ARHGEF10L: variants seen among roughly 807,000 people sequenced by gnomAD.
ARHGEF10L encodes the protein Rho guanine nucleotide exchange factor 10 like.
In ARHGEF10L, 69 loss-of-function variants were observed where a neutral mutation model predicts 141.2. That is an observed-to-expected ratio of 0.49 (90% CI 0.40 to 0.60). The LOEUF (loss-of-function observed/expected upper bound fraction) is 0.60, where lower values mean the gene tolerates loss of function less well. Among genes scored for constraint, ARHGEF10L ranks in the 20% least tolerant of loss-of-function variants. The pLI, the probability that ARHGEF10L is intolerant of heterozygous loss-of-function variation, is 0.00. For missense variants in ARHGEF10L, 1,482 were observed against 1,734.3 expected (o/e 0.85, Z 2.58); for synonymous variants, 711 against 718.5 (o/e 0.99, Z 0.17).
At chr1:17,659,277 G>C (rs539105011) in intron 25 of ARHGEF10L, among the ~76,000 whole-genome samples, 2 of 152,184 alleles carry the variant, frequency 1.3e-5, no homozygotes, top group Non-Finnish European at 2.9e-5. Context: ...AGGCCCCTGA[G>C]AAGGGGCTTG....
intron 26 of ARHGEF10L, among the ~76,000 whole-genome samples, chr1:17,664,991 G>A (rs1044640379): frequency 5.3e-5 from 8 of 152,206 alleles, no homozygotes; most frequent in Non-Finnish European, 8.8e-5. Flanking sequence ...CCACATGGAG[G>A]GAGAGGCTGC....
chr1:17,696,688 G>A (rs968509808), intron 28 of ARHGEF10L, among the ~76,000 whole-genome samples, 160 bp from the exon 29 acceptor site: 1 of 152,198 alleles, frequency 6.6e-6, no homozygotes, highest in African/African-American at 2.4e-5. Flanking sequence ...GCAGGAGCAC[G>A]GGATAGCCAG....
the ARHGEF10L span, among the ~76,000 whole-genome samples, chr1:17,531,453 A>G: frequency 5.9e-5 from 9 of 152,194 alleles, no homozygotes; most frequent in Non-Finnish European, 1.3e-4. Context: ...CGAAGGTCAC[A>G]TGGTCTGGGG....
chr1:17,685,397 C>T (rs2064487393), intron 26 of ARHGEF10L, among the ~76,000 whole-genome samples: 1 of 152,202 alleles, frequency 6.6e-6, no homozygotes, highest in Non-Finnish European at 1.5e-5. Flanking sequence ...ATTCCTGCCT[C>T]CGGGCCTTTG....
At position 17,540,326 on chromosome 1, in the gene ARHGEF10L, G is replaced by A. The variant is rs149340166; in HGVS notation, c.-44+376G>A. Among the ~76,000 whole-genome samples the A allele has an allele frequency of 2.8e-3, 422 of 151,820 alleles. 3 individuals carry two copies. Among genetic ancestry groups the A allele is most frequent in the African/African-American group, 9.6e-3 (399 of 41,360 alleles). ...CCACTTCTTCCTGCGCTGACCTTGG[G>A]GGTCCCTGGGATCGGGTGAAGTCAG... On this transcript the variant is annotated intron_variant, in intron 1 of 28. Transcript: ENST00000361221.
chr1:17,623,850 C>T lies in ARHGEF10L; in HGVS notation c.1201-537C>T, dbSNP rs959917366. Among the ~76,000 whole-genome samples the T allele has an allele frequency of 1.3e-5, 2 of 152,166 alleles. No homozygotes were observed. The highest frequency in any genetic ancestry group is 4.8e-5 in the African/African-American group (2 of 41,444). ...ACTTTTTTTTGAAAGCCACAGCGCTCGATAGAGTCACTGAATAGGTCTGAT... is the reference window on the plus strand; with the variant it reads ...ACTTTTTTTTGAAAGCCACAGCGCTTGATAGAGTCACTGAATAGGTCTGAT... On this transcript the variant is annotated intron_variant, in intron 12 of 28. Coordinates refer to ENST00000361221, the MANE Select transcript of ARHGEF10L (RefSeq NM_018125.4). This position sits in a 1 kb window ranked among gnomAD's most constrained non-coding sequence, Gnocchi z 4.7.
intron 13 of ARHGEF10L, among the ~76,000 whole-genome samples, 195 bp downstream of exon 13, chr1:17,624,698 G>T (rs2060286381): frequency 6.6e-6 from 1 of 152,210 alleles, no homozygotes; most frequent in African/African-American, 2.4e-5. Context: ...GCGTAGCCAA[G>T]TGTCTGTAAG....
At chr1:17,677,029 G>T (rs1046183085) in intron 26 of ARHGEF10L, among the ~76,000 whole-genome samples, 3 of 152,002 alleles carry the variant, frequency 2.0e-5, no homozygotes, top group African/African-American at 7.3e-5. Flanking sequence ...GCCGTGCTGT[G>T]TCCTCAGGGC....
rs188178011 is a variant in ARHGEF10L, at chr1:17,607,466, C to A, written c.434-336C>A. 4.9e-4 allele frequency among the ~76,000 whole-genome samples: 75 copies of A among 152,298 alleles called. No individual in the cohort carries two copies. In the East Asian group the frequency reaches 0.01, roughly 21 times the overall value. The stretch of plus-strand genomic sequence containing the variant: ...CTCCAGCCTGGGCGAGACAATGAGA[C>A]CCTGTCTCTAAAACAAAATTGCCAA... On this transcript the variant is annotated intron_variant, in intron 6 of 28. Transcript: ENST00000361221. The surrounding 1 kb of genome is among the most constrained non-coding windows in gnomAD (Gnocchi z 4.5).
At position 17,634,982 on chromosome 1, in the gene ARHGEF10L, C is replaced by T. The variant is rs758570105; in HGVS notation, c.1893C>T (p.Gly631=). ...DKDNVLIQHS[G]AKKASASGQA... ...ACAATGTGCTCATCCAGCACTCAGG[C>T]GCCAAGAAGGCCTCTGCCTCAGGGC... is the stretch of plus-strand genomic sequence containing the variant. Residue 631 remains glycine, a synonymous_variant, in exon 18 of 29, where the codon GGC becomes GGT. Coordinates refer to ENST00000361221, the MANE Select transcript of ARHGEF10L (RefSeq NM_018125.4). The T allele has an allele frequency of 4.8e-5, 78 of 1,613,964 alleles. No homozygotes were observed. Among genetic ancestry groups the T allele is most frequent in the African/African-American group, 9.3e-5 (7 of 74,910 alleles).
intron 1 of ARHGEF10L, among the ~76,000 whole-genome samples, chr1:17,557,989 T>C (rs2077402466): frequency 6.6e-6 from 1 of 152,164 alleles, no homozygotes; most frequent in African/African-American, 2.4e-5. Flanking sequence ...TCTCCTGTCA[T>C]CCATCGACTC....
chr1:17,546,939 T>A (rs1477796644), intron 1 of ARHGEF10L, among the ~76,000 whole-genome samples: 3 of 152,220 alleles, frequency 2.0e-5, no homozygotes, highest in Non-Finnish European at 2.9e-5. Flanking sequence ...CATCATTATC[T>A]CTGTTTTGCC....
At chr1:17,646,171 T>G (rs995575127) in intron 21 of ARHGEF10L, among the ~76,000 whole-genome samples, 3 of 152,186 alleles carry the variant, frequency 2.0e-5, no homozygotes, top group Non-Finnish European at 2.9e-5. Flanking sequence ...GGGAATGTCT[T>G]TCACTTCTCA....
At chr1:17,530,384 T>C in the ARHGEF10L span, among the ~76,000 whole-genome samples, 1 of 152,148 alleles carries the variant, frequency 6.6e-6, no homozygotes, top group Non-Finnish European at 1.5e-5. Flanking sequence ...CTCAGTTTCC[T>C]CATCTGCAGA....
rs950316649 is a variant in ARHGEF10L, at chr1:17,683,385, C to T, written c.3010-4188C>T. On this transcript the variant is annotated intron_variant, in intron 26 of 28. Coordinates refer to ENST00000361221, the MANE Select transcript of ARHGEF10L (RefSeq NM_018125.4). ...CTCTCACCGGGGTGCTCACTGCCCC[C>T]TGCTCTCACCGGGGTGCTCACTGCC... Among the ~76,000 whole-genome samples the T allele has an allele frequency of 1.7e-4, 24 of 144,902 alleles. 1 individual carries two copies. Among genetic ancestry groups the T allele is most frequent in the African/African-American group, 6.2e-4 (24 of 38,958 alleles).
At chr1:17,635,171 A>ACCCTGGACCTT (rs2060927102) in intron 18 of ARHGEF10L, among the ~76,000 whole-genome samples, 155 bp downstream of exon 18, 1 of 151,986 alleles carries the variant, frequency 6.6e-6, no homozygotes, top group Admixed American at 6.6e-5. Flanking sequence ...TTGCAGCCCC[A>ACCCTGGACCTT]CCCTGGACCT....
At position 17,641,269 on chromosome 1, in the gene ARHGEF10L, A is replaced by G. The variant is rs543950334; in HGVS notation, c.2272+967A>G. Reference sequence around the variant, plus strand: ...TTGCCGATGCCAGCCAATAGCAGGAACGTTTTTTTATTTTTGTTTCTGGTA... The same window carrying G: ...TTGCCGATGCCAGCCAATAGCAGGAGCGTTTTTTTATTTTTGTTTCTGGTA... On this transcript the variant is annotated intron_variant, in intron 21 of 28. Transcript: ENST00000361221. Among the ~76,000 whole-genome samples the G allele has an allele frequency of 1.2e-4, 19 of 152,356 alleles. No homozygotes were observed. In the South Asian group the frequency reaches 3.7e-3, roughly 30 times the overall value.
At chr1:17,516,949 AG>A in the ARHGEF10L span, among the ~76,000 whole-genome samples, 1 of 152,228 alleles carries the variant, frequency 6.6e-6, no homozygotes, top group Admixed American at 6.5e-5. Context: ...GGTGCTATAT[AG>A]GCAAACCTGC....
At chr1:17,547,692 C>A (rs886529397) in intron 1 of ARHGEF10L, among the ~76,000 whole-genome samples, 1 of 152,162 alleles carries the variant, frequency 6.6e-6, no homozygotes. Flanking sequence ...CTTTGAATTT[C>A]TTTTAAAACA....
Sources: gnomAD v4.1 joint callset for allele counts (sites outside exome capture counted in the v4.1 genomes callset) on GRCh38, gnomAD v4.1.1 for gene constraint, Gnocchi (gnomAD v3.1) non-coding constraint, MANE v1.5 for transcripts, NCBI Gene and HGNC (gene_info 2026-07-23, HGNC 2026-07-21) for gene names.